The following PLD5 variants were observed in gnomAD, a reference collection of about 807,000 sequenced individuals.
The protein encoded by PLD5 is phospholipase D family member 5, also known as inactive phospholipase D5.
A neutral mutation model predicts 61.1 loss-of-function variants in PLD5; 36 were observed. That is an observed-to-expected ratio of 0.59 (90% CI 0.45 to 0.78). PLD5 has a LOEUF of 0.78. PLD5 is among the 30% of genes least tolerant of loss of function. PLD5 has a pLI of 0.00. For missense variants in PLD5, 515 were observed against 644.4 expected (o/e 0.80, Z 2.17); for synonymous variants, 243 against 242.8 (o/e 1.00, Z -0.01).
rs542017929 is a variant in PLD5, at chr1:242,215,179, T to C, written c.735+4809A>G. On this transcript the variant is annotated intron_variant, in intron 5 of 9. Transcript: ENST00000536534. ...CTGGGATTACAGGTGTGAGCCACCG[T>C]GCCCAGCCTATACATCTTCTTTTAA... Among the ~76,000 whole-genome samples the C allele has an allele frequency of 6.3e-4, 95 of 150,538 alleles. 1 individual carries two copies. In the South Asian group the frequency reaches 0.016, roughly 25 times the overall value.
At chr1:242,444,065 C>T (rs544016281) in intron 1 of PLD5, among the ~76,000 whole-genome samples, 2 of 152,290 alleles carry the variant, frequency 1.3e-5, no homozygotes, top group South Asian at 4.1e-4. Flanking sequence ...CTCATATTTG[C>T]TTATTTTAAG....
At position 242,107,662 on chromosome 1, in the gene PLD5, A is replaced by G. The variant is rs1661169894; in HGVS notation, c.1239+9T>C. 1.3e-6 allele frequency: 2 copies of G among 1,576,188 alleles called. No individual in the cohort carries two copies. The highest frequency in any genetic ancestry group is 2.4e-5 in the South Asian group (2 of 83,966). ...TTTTATTTAATAACACAGTCAACGT[A>G]ATACTTACAACTTTCAAACTGCAGT... On this transcript the variant is annotated intron_variant, in intron 8 of 9. Transcript: ENST00000536534.
intron 7 of PLD5, among the ~76,000 whole-genome samples, chr1:242,112,645 G>A (rs538367874): frequency 1.3e-5 from 2 of 152,226 alleles, no homozygotes; most frequent in Admixed American, 6.5e-5. Context: ...GGTTATTTGC[G>A]TAAAGAAGCT....
At chr1:242,097,019 G>A (rs1388744306) in intron 9 of PLD5, among the ~76,000 whole-genome samples, 1 of 151,066 alleles carries the variant, frequency 6.6e-6, no homozygotes, top group African/African-American at 2.4e-5. Flanking sequence ...TTGTCCTTGT[G>A]ATAGTTTGCT....
At chr1:242,522,587 G>A (rs1201843391) in intron 1 of PLD5, among the ~76,000 whole-genome samples, 1 of 152,306 alleles carries the variant, frequency 6.6e-6, no homozygotes, top group East Asian at 1.9e-4. Flanking sequence ...ACGAAGATAC[G>A]TTCTATCACC....
rs950086287 is a variant in PLD5 at position 242,124,585 on chromosome 1, T to C, written c.816A>G (p.Ser272=). The stretch of plus-strand genomic sequence containing the variant: ...GAGGCACTCTGCTTTTGAATTTTAA[T>C]GAACTATATAGAGCAAATATCCTTT... ...DLQRIFALYS[S]LKFKSRVPQT... is the part of the protein sequence containing the mutation. The change falls in exon 6 of 10, where the codon TCA becomes TCG. Residue 272 remains serine (S), a synonymous_variant. Transcript: ENST00000536534. 1 of 1,613,972 alleles carries C rather than the reference T, an allele frequency of 6.2e-7. No homozygotes were observed. The highest frequency in any genetic ancestry group is 1.3e-5 in the African/African-American group (1 of 75,050).
intron 3 of PLD5, among the ~76,000 whole-genome samples, chr1:242,283,395 T>C (rs1043882481): frequency 1.1e-4 from 16 of 152,356 alleles, no homozygotes; most frequent in Admixed American, 9.8e-4. Context: ...GTATATTTTC[T>C]TATTGCTACA....
At chr1:242,362,348 G>T (rs1377468006) in intron 1 of PLD5, among the ~76,000 whole-genome samples, 1 of 152,072 alleles carries the variant, frequency 6.6e-6, no homozygotes, top group Non-Finnish European at 1.5e-5. Flanking sequence ...AAATCTGTCT[G>T]TTTTATAGAT....
chr1:242,244,546 C>T (rs867241815), intron 4 of PLD5, among the ~76,000 whole-genome samples: 3 of 152,170 alleles, frequency 2.0e-5, no homozygotes, highest in African/African-American at 4.8e-5. Flanking sequence ...GATACAAATA[C>T]GTCTCCTGCA....
intron 5 of PLD5, among the ~76,000 whole-genome samples, chr1:242,187,892 TAC>T (rs942840629): frequency 6.6e-6 from 1 of 152,160 alleles, no homozygotes; most frequent in African/African-American, 2.4e-5. Context: ...CCACAAAAGT[TAC>T]AGTTAGAAAT....
At chr1:242,445,711 G>T (rs1666501277) in intron 1 of PLD5, among the ~76,000 whole-genome samples, 1 of 150,760 alleles carries the variant, frequency 6.6e-6, no homozygotes, top group Non-Finnish European at 1.5e-5. Context: ...ACTAAGACAG[G>T]TGGCATGCCA....
intron 1 of PLD5, among the ~76,000 whole-genome samples, chr1:242,480,593 A>G (rs912496468): frequency 2.6e-5 from 4 of 152,212 alleles, no homozygotes; most frequent in Non-Finnish European, 4.4e-5. Flanking sequence ...AATATTTGCA[A>G]TATATATAGC....
At chr1:242,257,023 A>C (rs1673093635) in intron 4 of PLD5, among the ~76,000 whole-genome samples, 1 of 144,528 alleles carries the variant, frequency 6.9e-6, no homozygotes, top group Non-Finnish European at 1.5e-5. Context: ...ATCTATCTAT[A>C]TCTACCTACC....
chr1:242,490,250 C>T (rs936574982), intron 1 of PLD5, among the ~76,000 whole-genome samples: 5 of 152,170 alleles, frequency 3.3e-5, no homozygotes, highest in Admixed American at 2.6e-4. Flanking sequence ...ACCAGAAGTT[C>T]GTTTCTTACC....
chr1:242,510,230 C>A (rs10926757), intron 1 of PLD5, among the ~76,000 whole-genome samples: 54,430 of 150,772 alleles, frequency 0.36, 9,979 homozygotes, highest in Admixed American at 0.43. Context: ...CACACACACA[C>A]AAAAAAAGGT....
At chr1:242,212,902 G>C (rs1669923013) in intron 5 of PLD5, among the ~76,000 whole-genome samples, 1 of 152,214 alleles carries the variant, frequency 6.6e-6, no homozygotes, top group South Asian at 2.1e-4. Context: ...GGGTAGAACA[G>C]TTGCCTTTGA....
At chr1:242,197,185 C>T (rs1436039609) in intron 5 of PLD5, among the ~76,000 whole-genome samples, 4 of 152,090 alleles carry the variant, frequency 2.6e-5, no homozygotes, top group Non-Finnish European at 4.4e-5. Flanking sequence ...GGGACCCTGC[C>T]TTCCTCCCCT....
rs190398605 is a variant in PLD5, at chr1:242,184,657, C to T, written c.735+35331G>A. Among the ~76,000 whole-genome samples, 59 of 152,290 alleles carry T rather than the reference C, an allele frequency of 3.9e-4. 1 individual carries two copies. In the East Asian group the frequency reaches 5.4e-3, roughly 14 times the overall value. ...GTGCTGGGATTACAATGTGAGCTACCGTGCCCAGCCTCAGTTGTCTTCTGA... is the reference window on the plus strand; with the variant it reads ...GTGCTGGGATTACAATGTGAGCTACTGTGCCCAGCCTCAGTTGTCTTCTGA... On this transcript the variant is annotated intron_variant, in intron 5 of 9. Transcript: ENST00000536534.
chr1:242,213,400 C>A (rs1313318153), intron 5 of PLD5, among the ~76,000 whole-genome samples: 1 of 152,078 alleles, frequency 6.6e-6, no homozygotes, highest in Admixed American at 6.5e-5. Flanking sequence ...AGAACTAATG[C>A]TTTTAAATCG....
Sources: gnomAD v4.1 joint callset for allele counts (sites outside exome capture counted in the v4.1 genomes callset) on GRCh38, gnomAD v4.1.1 for gene constraint, MANE v1.5 for transcripts, NCBI Gene and HGNC (gene_info 2026-07-23, HGNC 2026-07-21) for gene names.